RBL1: variants seen among roughly 807,000 people sequenced by gnomAD.
RBL1 encodes retinoblastoma-like protein 1.
RBL1 carries 82 observed loss-of-function variants against 123.0 expected under a neutral mutation model. The observed-to-expected ratio is 0.67, with a 90% CI of 0.56 to 0.80. The LOEUF is 0.80. RBL1 is among the 30% of genes least tolerant of loss of function. The pLI, the probability that RBL1 is intolerant of heterozygous loss-of-function variation, is 0.00. For synonymous variants in RBL1, 405 were observed against 441.3 expected (o/e 0.92, Z 1.03); for missense variants, 1,171 against 1,299.6 (o/e 0.90, Z 1.52).
chr20:37,036,099 G>C (rs2064606494), intron 14 of RBL1, among the ~76,000 whole-genome samples: 2 of 152,048 alleles, frequency 1.3e-5, no homozygotes. Context: ...AAGGATTATG[G>C]ATTTTGCCTC....
chr20:37,004,714 CAAAA>C (rs11361452), intron 20 of RBL1, among the ~76,000 whole-genome samples: 5 of 72,532 alleles, frequency 6.9e-5, no homozygotes, highest in Admixed American at 1.6e-4. Flanking sequence ...GACTCTGCCT[CAAAA>C]AAAAAAAAAA....
intron 21 of RBL1, among the ~76,000 whole-genome samples, chr20:37,000,796 G>C: frequency 1.4e-5 from 2 of 143,330 alleles, no homozygotes; most frequent in Non-Finnish European, 3.1e-5. Flanking sequence ...CGCCCGGCCA[G>C]CCGCCCCGTC....
At chr20:37,083,224 T>C (rs939039008) in intron 2 of RBL1, among the ~76,000 whole-genome samples, 2 of 151,848 alleles carry the variant, frequency 1.3e-5, no homozygotes, top group African/African-American at 2.4e-5. Context: ...TCTTAGCACT[T>C]TGGGAGGCTG....
chr20:36,998,652 AACCCAGTG>A lies in RBL1; in HGVS notation c.*99_*106del. 2 of 995,792 alleles carry A rather than the reference AACCCAGTG, an allele frequency of 2.0e-6. No individual in the cohort carries two copies. Among genetic ancestry groups the A allele is most frequent in the African/African-American group, 3.3e-5 (2 of 59,826 alleles). The allele number at this position is 995,792 out of a possible 1,614,324, so 61.7% of individuals were successfully genotyped here. A position where few individuals can be genotyped will look rare whatever the true frequency, so the allele number is the denominator to read the frequency against. ...TAATTTTTGTGCAATTTTTTCTTATAACCCAGTGATATTTATCATCTATAGGGCTAAAA... is the reference window on the plus strand; with the variant it reads ...TAATTTTTGTGCAATTTTTTCTTATAATATTTATCATCTATAGGGCTAAAA... On this transcript the variant is annotated 3_prime_UTR_variant, in exon 22 of 22. Coordinates refer to ENST00000373664, the MANE Select transcript of RBL1 (RefSeq NM_002895.5).
chr20:37,049,724 A>G (rs2064875121), intron 11 of RBL1: 3 of 638,896 alleles, frequency 4.7e-6, no homozygotes, highest in Non-Finnish European at 5.6e-6. Context: ...ATGAGTTAAT[A>G]AAAGATATAA....
At chr20:37,015,325 C>T (rs2064232453) in intron 19 of RBL1, among the ~76,000 whole-genome samples, 1 of 152,168 alleles carries the variant, frequency 6.6e-6, no homozygotes, top group South Asian at 2.1e-4. Context: ...GGCAAGTGAT[C>T]CACAGCTTTC....
At chr20:37,060,619 T>C (rs1164520842) in intron 9 of RBL1, among the ~76,000 whole-genome samples, 1 of 151,996 alleles carries the variant, frequency 6.6e-6, no homozygotes, top group East Asian at 1.9e-4. Flanking sequence ...ACCCTGTCTC[T>C]ACAAAAAATA....
chr20:37,044,535 C>T (rs966471570), intron 12 of RBL1, among the ~76,000 whole-genome samples: 1 of 152,104 alleles, frequency 6.6e-6, no homozygotes, highest in African/African-American at 2.4e-5. Context: ...GCCGAGGTTT[C>T]ACCATGTTGG....
chr20:37,007,479 T>G lies in RBL1; in HGVS notation c.2803A>C (p.Asn935His). 1 of 1,613,924 alleles carries G rather than the reference T, an allele frequency of 6.2e-7. No individual in the cohort carries two copies. The highest frequency in any genetic ancestry group is 1.3e-5 in the African/African-American group (1 of 75,044). ...EERGDLIKFYNTIYVGRVKSF... is the reference protein window; with the variant it reads ...EERGDLIKFYHTIYVGRVKSF... ...TTCACTCTTCCTACATATATTGTAT[T>G]GTAAAATTTTATAAGATCACCTCTT... The change falls in exon 20 of 22, where the codon AAT becomes CAT. Residue 935 changes from asparagine (N) to histidine (H), a missense_variant. By Grantham distance (68) the Asn-to-His change is moderately conservative (BLOSUM62 1). Coordinates refer to ENST00000373664, the MANE Select transcript of RBL1 (RefSeq NM_002895.5).
At chr20:37,049,300 A>G in intron 11 of RBL1, 1 of 636,442 alleles carries the variant, frequency 1.6e-6, no homozygotes, top group Admixed American at 2.3e-5. Context: ...ATCACCCTCA[A>G]GGTTGAACCC....
At chr20:37,018,186 G>A (rs2064286985) in intron 19 of RBL1, 93 bp downstream of exon 19, 2 of 1,350,368 alleles carry the variant, frequency 1.5e-6, no homozygotes, top group Non-Finnish European at 1.9e-6. Context: ...ACCTCCTTAT[G>A]ATTCACATTT....
At chr20:37,033,947 C>CT (rs201186362) in intron 15 of RBL1, among the ~76,000 whole-genome samples, 20,710 of 139,396 alleles carry the variant, frequency 0.15, 1,991 homozygotes, top group East Asian at 0.48. Flanking sequence ...TTTTCTTTTT[C>CT]TTTTTTTTTT....
rs1250554838 is a variant in RBL1, at chr20:37,012,347, C to T, written c.2723-4788G>A. On this transcript the variant is annotated intron_variant, in intron 19 of 21. Coordinates refer to ENST00000373664, the MANE Select transcript of RBL1 (RefSeq NM_002895.5). ...CCCATCGTCTGGGATGTGAGGAGCC[C>T]CTCTGCCTGGCTGCCCAGTCTGGAA... Among the ~76,000 whole-genome samples the T allele has an allele frequency of 2.0e-5, 3 of 150,192 alleles. No individual in the cohort carries two copies. In the East Asian group the frequency reaches 5.9e-4, roughly 30 times the overall value.
rs541361559 is a variant in RBL1 at position 37,094,103 on chromosome 20, G to C, written c.156+1670C>G. On this transcript the variant is annotated intron_variant, in intron 1 of 21. Transcript: ENST00000373664. Reference sequence around the variant, plus strand: ...TATTCCAGGCAGAGGGAATGGCATGGATATACCACAAAACTGGGAACAAAC... The same window carrying C: ...TATTCCAGGCAGAGGGAATGGCATGCATATACCACAAAACTGGGAACAAAC... Among the ~76,000 whole-genome samples the C allele has an allele frequency of 2.6e-5, 4 of 152,322 alleles. No individual in the cohort carries two copies. The South Asian group carries it at 8.3e-4, about 32-fold the overall frequency.
In RBL1 at chr20:37,055,654, AGTCT is replaced by A. The variant is rs761881234; in HGVS notation, c.1364-2_1365del. On this transcript the variant is annotated splice_acceptor_variant and coding_sequence_variant, in exon 11 of 22. Coordinates refer to ENST00000373664, the MANE Select transcript of RBL1 (RefSeq NM_002895.5). LOFTEE classifies it high-confidence loss of function. ...GCCAGCTTTAGTCTGTTTACAGCAA[AGTCT>A]ATCAGGGAAATACAGAGAAAACATG... 817 of 1,607,302 alleles carry A rather than the reference AGTCT, an allele frequency of 5.1e-4. 1 individual carries two copies. Among genetic ancestry groups the A allele is most frequent in the Non-Finnish European group, 6.5e-4 (768 of 1,177,452 alleles).
chr20:37,075,493 T>C (rs970194376), intron 2 of RBL1, among the ~76,000 whole-genome samples: 1 of 152,082 alleles, frequency 6.6e-6, no homozygotes, highest in East Asian at 1.9e-4. Flanking sequence ...TCTCAGTCTG[T>C]CTCCCAGGCT....
intron 19 of RBL1, among the ~76,000 whole-genome samples, chr20:37,008,402 C>T (rs1244729961): frequency 6.6e-6 from 1 of 152,158 alleles, no homozygotes; most frequent in South Asian, 2.1e-4. Flanking sequence ...ACAACAGGAA[C>T]CCTGATCAGG....
chr20:37,052,932 G>T (rs547792375), intron 11 of RBL1, among the ~76,000 whole-genome samples: 3 of 152,332 alleles, frequency 2.0e-5, no homozygotes, highest in African/African-American at 7.2e-5. Context: ...ATGAGCCACT[G>T]CGCCTGGCCA....
chr20:37,062,024 A>G (rs1190296788), intron 8 of RBL1, 60 bp downstream of exon 8: 1 of 1,447,986 alleles, frequency 6.9e-7, no homozygotes, highest in Non-Finnish European at 9.3e-7. Context: ...TGCTGTTAGT[A>G]GAATCACACA....
Sources: allele counts gnomAD v4.1 joint callset (sites outside exome capture counted in the v4.1 genomes callset), GRCh38; gene constraint gnomAD v4.1.1; transcripts MANE v1.5; gene names NCBI Gene and HGNC (gene_info 2026-07-23, HGNC 2026-07-21).